The following ZRSR2 variants were observed in gnomAD, a reference collection of about 807,000 sequenced individuals.
ZRSR2 encodes U2 small nuclear ribonucleoprotein auxiliary factor 35 kDa subunit-related protein 2.
A neutral mutation model predicts 39.4 loss-of-function variants in ZRSR2; 3 were observed. The observed-to-expected ratio is 0.08, with a 90% CI of 0.03 to 0.20. The LOEUF (loss-of-function observed/expected upper bound fraction) is 0.20. Among genes scored for constraint, ZRSR2 ranks in the 10% least tolerant of loss-of-function variants. ZRSR2 has a pLI of 1.00. For missense variants in ZRSR2, 256 were observed against 391.5 expected, an observed-to-expected ratio of 0.65 and a Z score of 2.92; for synonymous variants, 137 against 136.0, an observed-to-expected ratio of 1.01 and a Z score of -0.05.
At chrX:15,805,658 G>A (rs1161015167) in intron 5 of ZRSR2, among the ~76,000 whole-genome samples, 9 of 111,811 alleles carry the variant, frequency 8.0e-5, no homozygotes, top group Middle Eastern at 9.3e-3. Flanking sequence ...CAGGCCAGGC[G>A]TGGTGGCTCA....
chrX:15,812,172 G>T (rs187561302), intron 7 of ZRSR2, among the ~76,000 whole-genome samples: 156 of 109,483 alleles, frequency 1.4e-3, no homozygotes, highest in African/African-American at 5.1e-3. Flanking sequence ...CTTGTGATCC[G>T]CCCGCCTCGG....
intron 9 of ZRSR2, among the ~76,000 whole-genome samples, chrX:15,818,985 T>G (rs1933038320): frequency 9.2e-6 from 1 of 108,492 alleles, no homozygotes; most frequent in Non-Finnish European, 1.9e-5. Flanking sequence ...ATGACCAGGC[T>G]GGTCTCGAAC....
intron 2 of ZRSR2, among the ~76,000 whole-genome samples, chrX:15,793,910 A>G (rs1468828696): frequency 1.8e-5 from 2 of 112,586 alleles, no homozygotes; most frequent in Non-Finnish European, 3.8e-5. Flanking sequence ...TGTTGAGTGT[A>G]ACTATGAGAG....
intron 3 of ZRSR2, among the ~76,000 whole-genome samples, chrX:15,803,040 A>C (rs776240371): frequency 8.0e-4 from 87 of 109,121 alleles, no homozygotes; most frequent in African/African-American, 2.6e-3. Flanking sequence ...AGGCAGGTGG[A>C]TCACTTGAGG....
At chrX:15,818,388 A>T (rs1933021890) in intron 8 of ZRSR2, among the ~76,000 whole-genome samples, 199 bp from the exon 9 acceptor site, 1 of 112,613 alleles carries the variant, frequency 8.9e-6, no homozygotes, top group African/African-American at 3.2e-5. Context: ...GAGAAAACAG[A>T]CCTGGACCAA....
intron 7 of ZRSR2, among the ~76,000 whole-genome samples, chrX:15,812,090 T>G (rs369215052): frequency 6.4e-5 from 7 of 109,918 alleles, no homozygotes; most frequent in African/African-American, 2.3e-4. Flanking sequence ...CCACCACGCC[T>G]GGCTAATTTT....
chrX:15,792,325 G>A (rs966384205), intron 2 of ZRSR2, among the ~76,000 whole-genome samples: 1 of 112,100 alleles, frequency 8.9e-6, no homozygotes, highest in Non-Finnish European at 1.9e-5. Flanking sequence ...AGGAGGCTGA[G>A]GCAAGAGGAT....
intron 2 of ZRSR2, among the ~76,000 whole-genome samples, chrX:15,799,580 G>A (rs972779141): frequency 2.8e-5 from 3 of 107,301 alleles, no homozygotes; most frequent in Non-Finnish European, 3.8e-5. Context: ...TCAGCTTCCC[G>A]AGTAGCTGGG....
chrX:15,818,369 T>C (rs1296073779), intron 8 of ZRSR2, among the ~76,000 whole-genome samples: 1 of 112,694 alleles, frequency 8.9e-6, no homozygotes, highest in Admixed American at 9.4e-5. Context: ...AAACATTTCA[T>C]ATTTGTGGGA....
intron 5 of ZRSR2, among the ~76,000 whole-genome samples, chrX:15,806,608 G>C (rs1388206930): frequency 9.1e-6 from 1 of 110,068 alleles, no homozygotes; most frequent in African/African-American, 3.3e-5. Flanking sequence ...TGTATTTTTA[G>C]TAGAGACAGG....
At chrX:15,800,565 C>T (rs1242331763) in intron 3 of ZRSR2, among the ~76,000 whole-genome samples, 1 of 111,729 alleles carries the variant, frequency 9.0e-6, no homozygotes, top group Non-Finnish European at 1.9e-5. Context: ...ATAATTGCAA[C>T]ACACCCAAAG....
chrX:15,816,001 A>T, intron 8 of ZRSR2, 111 bp downstream of exon 8: 1 of 526,174 alleles, frequency 1.9e-6, no homozygotes, highest in Non-Finnish European at 2.9e-6. Flanking sequence ...AGCACTCTAT[A>T]AATGTGACTT....
At chrX:15,811,378 T>C (rs1476243324) in intron 7 of ZRSR2, among the ~76,000 whole-genome samples, 1 of 110,711 alleles carries the variant, frequency 9.0e-6, no homozygotes, top group East Asian at 2.8e-4. Context: ...ATCTCTAACA[T>C]TTCCTCCAAA....
intron 2 of ZRSR2, among the ~76,000 whole-genome samples, chrX:15,796,986 G>A (rs1601808054): frequency 4.7e-5 from 5 of 106,978 alleles, no homozygotes; most frequent in African/African-American, 1.7e-4. Flanking sequence ...TAGAGATGGG[G>A]TTTCGCCATG....
intron 5 of ZRSR2, among the ~76,000 whole-genome samples, chrX:15,804,959 G>T (rs1326431315): frequency 9.0e-6 from 1 of 110,617 alleles, no homozygotes; most frequent in Non-Finnish European, 1.9e-5. Context: ...GATTGATTTG[G>T]TATGTTTTGC....
chrX:15,807,424 G>C (rs1932807174), intron 5 of ZRSR2, among the ~76,000 whole-genome samples: 2 of 109,148 alleles, frequency 1.8e-5, no homozygotes, highest in South Asian at 8.1e-4. Flanking sequence ...CAAGTAGCTG[G>C]GATTACAGGC....
chrX:15,792,148 C>T (rs1323283909), intron 2 of ZRSR2, among the ~76,000 whole-genome samples: 1 of 111,319 alleles, frequency 9.0e-6, no homozygotes, highest in Non-Finnish European at 1.9e-5. Flanking sequence ...GGGCTGGGCG[C>T]GTGGTGGCTC....
At chrX:15,809,162 T>G (rs530231389) in intron 6 of ZRSR2, 38 bp from the exon 7 acceptor site, 1 of 996,458 alleles carries the variant, frequency 1.0e-6, no homozygotes, top group African/African-American at 1.9e-5. Context: ...TTTCATGGGT[T>G]TTTACTCCAC....
intron 2 of ZRSR2, among the ~76,000 whole-genome samples, chrX:15,793,347 C>A (rs1932343474): frequency 9.1e-6 from 1 of 110,492 alleles, no homozygotes; most frequent in South Asian, 3.8e-4. Flanking sequence ...GAGAGTCAGG[C>A]GAGTCATGTC....
Sources: allele counts gnomAD v4.1 joint callset (sites outside exome capture counted in the v4.1 genomes callset), GRCh38; gene constraint gnomAD v4.1.1; transcripts MANE v1.5; gene names NCBI Gene and HGNC (gene_info 2026-07-23, HGNC 2026-07-21).